PRELID2: variants seen among roughly 807,000 people sequenced by gnomAD.
PRELID2 encodes PRELI domain-containing protein 2.
In PRELID2, 25 loss-of-function variants were observed where a neutral mutation model predicts 28.4. The observed-to-expected ratio is 0.88, with a 90% CI of 0.64 to 1.23. The LOEUF is 1.23. Ranked by LOEUF, PRELID2 falls within the 50% of genes most tolerant of loss-of-function variation. The pLI is 0.00. For missense variants in PRELID2, 201 were observed against 214.4 expected (o/e 0.94, Z 0.39); for synonymous variants, 76 against 71.6 (o/e 1.06, Z -0.31).
intron 1 of PRELID2, among the ~76,000 whole-genome samples, chr5:145,741,210 T>C (rs1186301078): frequency 1.4e-4 from 4 of 28,896 alleles, no homozygotes; most frequent in African/African-American, 2.0e-4. Flanking sequence ...GATATAAATA[T>C]ATATAAAATA....
chr5:145,742,236 T>G (rs1215278886), intron 1 of PRELID2, among the ~76,000 whole-genome samples: 1 of 139,856 alleles, frequency 7.2e-6, no homozygotes, highest in East Asian at 2.1e-4. Flanking sequence ...ATAAATAAAA[T>G]ATATTTTTAT....
chr5:145,771,777 C>G (rs111919800), intron 5 of PRELID2, among the ~76,000 whole-genome samples: 1 of 151,954 alleles, frequency 6.6e-6, no homozygotes, highest in Admixed American at 6.6e-5. Context: ...ATTGCTTGAA[C>G]GTGGGAGGCG....
chr5:145,294,427 C>T, the PRELID2 span, among the ~76,000 whole-genome samples: 19 of 150,928 alleles, frequency 1.3e-4, no homozygotes, highest in East Asian at 1.4e-3. Flanking sequence ...CAAATGACTT[C>T]GAGTTTTTAA....
the PRELID2 span, among the ~76,000 whole-genome samples, chr5:145,327,029 T>A: frequency 2.6e-5 from 4 of 152,044 alleles, no homozygotes; most frequent in African/African-American, 7.2e-5. Context: ...TCTTAAATGT[T>A]GAAATTCTAA....
intron 1 of PRELID2, among the ~76,000 whole-genome samples, chr5:145,690,085 G>A (rs971248430): frequency 1.3e-5 from 2 of 149,820 alleles, no homozygotes; most frequent in African/African-American, 4.9e-5. Flanking sequence ...CACCTCCCGA[G>A]CTCAAGCAAT....
At chr5:145,683,210 T>G (rs947173749) in intron 1 of PRELID2, among the ~76,000 whole-genome samples, 1 of 152,190 alleles carries the variant, frequency 6.6e-6, no homozygotes, top group African/African-American at 2.4e-5. Flanking sequence ...GGTAAGTCAT[T>G]TTCTTCTTCA....
the PRELID2 span, among the ~76,000 whole-genome samples, chr5:145,256,362 TTCTA>T: frequency 6.6e-6 from 1 of 152,058 alleles, no homozygotes; most frequent in South Asian, 2.1e-4. Context: ...TCTGAGTCAC[TTCTA>T]TGTCTGTTTG....
chr5:145,577,604 T>C (rs540954631), intron 1 of PRELID2, among the ~76,000 whole-genome samples: 110 of 152,208 alleles, frequency 7.2e-4, no homozygotes, highest in African/African-American at 1.8e-3. Context: ...ACAGGATTTA[T>C]AGGACAGCAT....
chr5:145,757,762 G>A lies in PRELID2; in HGVS notation c.*2774C>T, dbSNP rs1490764156. ...GCAGGAGGATCATTTGAGGCCAGAA[G>A]TTCAAGACCAGCCTGATAAACATAG... On this transcript the variant is annotated 3_prime_UTR_variant, in exon 7 of 7. Coordinates refer to ENST00000683046, the MANE Select transcript of PRELID2 (RefSeq NM_205846.3). Among the ~76,000 whole-genome samples the A allele has an allele frequency of 2.1e-5, 3 of 144,422 alleles. No homozygotes were observed. In the East Asian group the frequency reaches 6.3e-4, roughly 30 times the overall value. 94.7% of individuals were successfully genotyped at this position (144,422 alleles called of 152,430 possible). A position where few individuals can be genotyped will look rare whatever the true frequency, so the allele number is the denominator to read the frequency against.
chr5:145,650,521 CACATATAT>C (rs796715462), intron 1 of PRELID2, among the ~76,000 whole-genome samples: 1,336 of 105,154 alleles, frequency 0.013, 34 homozygotes, highest in Admixed American at 0.045. Flanking sequence ...TATCGAATCG[CACATATAT>C]ACATATATAT....
rs146760014 is a variant in PRELID2, at chr5:145,539,965, G to A, written n.71-66650C>T. Among the ~76,000 whole-genome samples, 1,168 of 151,590 alleles carry A rather than the reference G, an allele frequency of 7.7e-3. 12 individuals are homozygous for A. Among genetic ancestry groups the A allele is most frequent in the African/African-American group, 0.021 (863 of 41,394 alleles). On this transcript the variant is annotated intron_variant and non_coding_transcript_variant, in intron 1 of 2. Coordinates refer to the PRELID2 transcript ENST00000510259. ...TCTAAGTAATGAAATTATGATTGTC[G>A]CTTTTCTTATTTTTTTATTTTCAAT...
the PRELID2 span, among the ~76,000 whole-genome samples, chr5:145,304,882 C>CAT: frequency 8.3e-4 from 126 of 152,126 alleles, 1 homozygote; most frequent in East Asian, 0.022. Context: ...TGCACACACA[C>CAT]ATATATATAG....
intron 1 of PRELID2, among the ~76,000 whole-genome samples, chr5:145,537,399 G>A (rs1035707257): frequency 2.6e-5 from 4 of 151,780 alleles, no homozygotes; most frequent in Non-Finnish European, 2.9e-5. Context: ...GAACCTCCAC[G>A]ATGTCTTCCA....
At chr5:145,598,377 G>A (rs914946081) in intron 1 of PRELID2, among the ~76,000 whole-genome samples, 9 of 152,106 alleles carry the variant, frequency 5.9e-5, no homozygotes, top group Non-Finnish European at 1.2e-4. Context: ...AGCATGACAA[G>A]ATGGATTGTT....
At chr5:145,327,780 T>TA in the PRELID2 span, among the ~76,000 whole-genome samples, 1 of 152,148 alleles carries the variant, frequency 6.6e-6, no homozygotes, top group African/African-American at 2.4e-5. Context: ...CTGGAGGTTT[T>TA]AAAAAATTAT....
intron 1 of PRELID2, among the ~76,000 whole-genome samples, chr5:145,491,292 C>G (rs930703780): frequency 1.2e-4 from 18 of 152,178 alleles, no homozygotes; most frequent in African/African-American, 3.9e-4. Flanking sequence ...TGTCTCCACT[C>G]TCACATGGTG....
downstream of PRELID2, among the ~76,000 whole-genome samples, chr5:145,466,884 A>T (rs1752007202): frequency 2.0e-5 from 3 of 152,026 alleles, no homozygotes; most frequent in South Asian, 6.2e-4. Flanking sequence ...ACAACCTCAC[A>T]CCTACCACCC....
At chr5:145,524,873 C>T (rs1394528465) in intron 1 of PRELID2, among the ~76,000 whole-genome samples, 3 of 152,196 alleles carry the variant, frequency 2.0e-5, no homozygotes, top group East Asian at 1.9e-4. Flanking sequence ...ATACCTATCT[C>T]ACGGGTTTAC....
intron 1 of PRELID2, among the ~76,000 whole-genome samples, chr5:145,741,928 A>T (rs1441553660): frequency 1.5e-5 from 1 of 65,606 alleles, no homozygotes; most frequent in African/African-American, 4.8e-5. Context: ...AAACAAATAA[A>T]TTTATTATAA....
Sources: gnomAD v4.1 joint callset for allele counts (sites outside exome capture counted in the v4.1 genomes callset) on GRCh38, gnomAD v4.1.1 for gene constraint, MANE v1.5 for transcripts, NCBI Gene and HGNC (gene_info 2026-07-23, HGNC 2026-07-21) for gene names.